The following DYNLT2 variants were observed in gnomAD, a reference collection of about 807,000 sequenced individuals.
DYNLT2 encodes dynein light chain Tctex-type protein 2.
In DYNLT2, 24 loss-of-function variants were observed where a neutral mutation model predicts 24.3. The observed-to-expected ratio is 0.99, with a 90% CI of 0.71 to 1.39. The LOEUF (loss-of-function observed/expected upper bound fraction) is 1.39, where lower values mean the gene tolerates loss of function less well. Ranked by LOEUF, DYNLT2 falls within the 40% of genes most tolerant of loss-of-function variation. DYNLT2 has a pLI of 0.00. For missense variants in DYNLT2, 246 were observed against 234.5 expected (o/e 1.05, Z -0.32); for synonymous variants, 85 against 85.4 (o/e 1.00, Z 0.03).
At chr6:169,742,147 T>C (rs1484418531) in intron 3 of DYNLT2, among the ~76,000 whole-genome samples, 1 of 152,256 alleles carries the variant, frequency 6.6e-6, no homozygotes, top group Non-Finnish European at 1.5e-5. Flanking sequence ...TAAATAATGT[T>C]TATAATTACC....
chr6:169,733,312 G>C, the DYNLT2 span, among the ~76,000 whole-genome samples: 35 of 152,196 alleles, frequency 2.3e-4, no homozygotes, highest in Non-Finnish European at 3.1e-4. Context: ...TGTCAATTTT[G>C]GCTTTTGTTG....
chr6:169,744,726 A>G (rs1789756098), intron 1 of DYNLT2, among the ~76,000 whole-genome samples: 1 of 152,124 alleles, frequency 6.6e-6, no homozygotes, highest in Non-Finnish European at 1.5e-5. Context: ...AAATAATACA[A>G]TTATTTAGAT....
the DYNLT2 span, among the ~76,000 whole-genome samples, chr6:169,732,920 A>G: frequency 1.3e-5 from 2 of 152,250 alleles, no homozygotes; most frequent in Middle Eastern, 3.4e-3. Context: ...AAGTGTTCCT[A>G]TTTCTCTACA....
chr6:169,730,255 A>G, the DYNLT2 span, among the ~76,000 whole-genome samples: 3 of 152,126 alleles, frequency 2.0e-5, no homozygotes, highest in Admixed American at 2.0e-4. Flanking sequence ...GAAAGATGAC[A>G]GGAGTTGGGT....
chr6:169,734,348 C>G, the DYNLT2 span, among the ~76,000 whole-genome samples: 1 of 152,166 alleles, frequency 6.6e-6, no homozygotes, highest in Non-Finnish European at 1.5e-5. Context: ...GAGAGGGCAT[C>G]CTTGTCTTGT....
At chr6:169,743,721 C>G (rs4716343) in intron 2 of DYNLT2, among the ~76,000 whole-genome samples, 28,583 of 152,118 alleles carry the variant, frequency 0.19, 3,413 homozygotes, top group African/African-American at 0.32. Flanking sequence ...GCCCTCCCCT[C>G]TAGTCTCTCA....
chr6:169,727,446 A>G, the DYNLT2 span, among the ~76,000 whole-genome samples: 1 of 152,208 alleles, frequency 6.6e-6, no homozygotes, highest in African/African-American at 2.4e-5. Context: ...GCAAGGAAAA[A>G]TGGGCTCCAG....
chr6:169,736,040 G>A (rs906523930), downstream of DYNLT2, among the ~76,000 whole-genome samples: 3 of 151,960 alleles, frequency 2.0e-5, no homozygotes, highest in Non-Finnish European at 2.9e-5. Context: ...ATTACATAGT[G>A]CCCTTCTTTT....
chr6:169,739,139 C>T (rs775042849), downstream of DYNLT2: 1 of 151,930 alleles, frequency 6.6e-6, no homozygotes, highest in Non-Finnish European at 1.5e-5. Flanking sequence ...TTGCTTGCCT[C>T]CCACAAGTGC....
At chr6:169,730,966 C>G in the DYNLT2 span, among the ~76,000 whole-genome samples, 1 of 152,090 alleles carries the variant, frequency 6.6e-6, no homozygotes, top group African/African-American at 2.4e-5. Flanking sequence ...TCAGGTGATA[C>G]TACCCTTTTA....
intron 1 of DYNLT2, among the ~76,000 whole-genome samples, chr6:169,748,984 A>G (rs909009630): frequency 1.3e-5 from 2 of 152,182 alleles, no homozygotes; most frequent in Non-Finnish European, 2.9e-5. Context: ...ATAATACCTG[A>G]GTTTCTACTG....
At chr6:169,738,078 T>C (rs1455532103), downstream of DYNLT2, among the ~76,000 whole-genome samples, 3 of 152,368 alleles carry the variant, frequency 2.0e-5, no homozygotes, top group Non-Finnish European at 4.4e-5. Context: ...AGAGGCACTC[T>C]GGCCGCAGAC....
the DYNLT2 span, among the ~76,000 whole-genome samples, chr6:169,732,914 G>A: frequency 6.6e-6 from 1 of 152,290 alleles, no homozygotes; most frequent in Non-Finnish European, 1.5e-5. Context: ...GTGTAAAAGT[G>A]TTCCTATTTC....
At chr6:169,749,290 G>A (rs1029532858) in intron 1 of DYNLT2, among the ~76,000 whole-genome samples, 4 of 152,140 alleles carry the variant, frequency 2.6e-5, no homozygotes, top group Admixed American at 6.5e-5. Context: ...TAGTAGAGAC[G>A]GGGTTTTGGC....
intron 2 of DYNLT2, among the ~76,000 whole-genome samples, chr6:169,743,465 T>C (rs1056995211): frequency 6.6e-6 from 1 of 152,194 alleles, no homozygotes; most frequent in African/African-American, 2.4e-5. Context: ...TCATTAGCGA[T>C]ACAAGCTGTA....
At chr6:169,744,546 T>C (rs559259378) in intron 1 of DYNLT2, among the ~76,000 whole-genome samples, 2 of 152,286 alleles carry the variant, frequency 1.3e-5, no homozygotes, top group South Asian at 4.1e-4. Context: ...ATTTAGAATA[T>C]CCATGGATGA....
intron 3 of DYNLT2, among the ~76,000 whole-genome samples, chr6:169,741,235 A>C (rs955154351): frequency 6.6e-6 from 1 of 152,174 alleles, no homozygotes; most frequent in Non-Finnish European, 1.5e-5. Context: ...ACTTCCAAGC[A>C]AGGCCTTCAG....
intron 1 of DYNLT2, chr6:169,750,128 C>T (rs763431698): frequency 2.6e-5 from 4 of 152,178 alleles, no homozygotes; most frequent in Non-Finnish European, 4.4e-5. Context: ...ACCAGGTGCA[C>T]CTATGTGTCT....
chr6:169,737,340 G>A (rs905484054), downstream of DYNLT2, among the ~76,000 whole-genome samples: 8 of 152,156 alleles, frequency 5.3e-5, no homozygotes, highest in African/African-American at 1.4e-4. Context: ...CTGATCCTCC[G>A]TCCAGTTCTG....
Sources: gnomAD v4.1 joint callset for allele counts (sites outside exome capture counted in the v4.1 genomes callset) on GRCh38, gnomAD v4.1.1 for gene constraint, MANE v1.5 for transcripts, NCBI Gene and HGNC (gene_info 2026-07-23, HGNC 2026-07-21) for gene names.